Variants in CACNA2D4 observed in about 807,000 individuals in gnomAD.
CACNA2D4 encodes voltage-dependent calcium channel subunit alpha-2/delta-4.
CACNA2D4 carries 157 observed loss-of-function variants against 163.8 expected under a neutral mutation model. That is an observed-to-expected ratio of 0.96 (90% confidence interval 0.84 to 1.09). The LOEUF (loss-of-function observed/expected upper bound fraction) is 1.09. CACNA2D4 is among the 50% of genes least tolerant of loss of function. CACNA2D4 has a pLI of 0.00. For synonymous variants in CACNA2D4, 598 were observed against 586.9 expected, an observed-to-expected ratio of 1.02 and a Z score of -0.27; for missense variants, 1,410 against 1,479.9, an observed-to-expected ratio of 0.95 and a Z score of 0.78.
In CACNA2D4 at chr12:1,845,689, T is replaced by C. The variant is rs923801783; in HGVS notation, c.2342+905A>G. 2.0e-5 allele frequency among the ~76,000 whole-genome samples: 3 copies of C among 152,164 alleles called. No homozygotes were observed. The East Asian group carries it at 5.8e-4, about 29-fold the overall frequency. On this transcript the variant is annotated intron_variant, in intron 24 of 37. Transcript: ENST00000382722. Reference sequence around the variant, plus strand: ...GTGGCACCGCTCGGCCCCTAACCCCTCCTCTGGGCTCCCATCCTCCCTTGA... The same window carrying C: ...GTGGCACCGCTCGGCCCCTAACCCCCCCTCTGGGCTCCCATCCTCCCTTGA...
Position 1,912,761 on chromosome 12 carries a change from G to A in CACNA2D4, c.426+262C>T, listed in dbSNP as rs1479322266. 4.6e-5 allele frequency among the ~76,000 whole-genome samples: 7 copies of A among 152,176 alleles called. 1 individual carries two copies. The highest frequency in any genetic ancestry group is 2.6e-4 in the Admixed American group (4 of 15,286). On this transcript the variant is annotated intron_variant, in intron 3 of 37. Coordinates refer to ENST00000382722, the MANE Select transcript of CACNA2D4 (RefSeq NM_172364.5). ...TCCTCACAATGCTGCAGGCTGACCC[G>A]GCAGTGCTGGGCATGGCCGCCTCGG...
chr12:1,877,202 G>A (rs1471619793), intron 16 of CACNA2D4, among the ~76,000 whole-genome samples: 1 of 152,236 alleles, frequency 6.6e-6, no homozygotes, highest in Non-Finnish European at 1.5e-5. Flanking sequence ...GGCCCACAGT[G>A]TGAATCCACT....
intron 2 of CACNA2D4, 89 bp downstream of exon 2, chr12:1,914,765 C>T: frequency 3.6e-6 from 3 of 842,950 alleles, no homozygotes; most frequent in South Asian, 1.4e-5. Context: ...ATGGGATGCC[C>T]AAGGCCCCTC....
chr12:1,913,233 C>G (rs1866879226), intron 2 of CACNA2D4, 94 bp from the exon 3 acceptor site: 2 of 836,250 alleles, frequency 2.4e-6, no homozygotes, highest in East Asian at 5.2e-5. Flanking sequence ...TCCACAGATG[C>G]ATTCCGGCAC....
At position 1,856,012 on chromosome 12, in the gene CACNA2D4, A is replaced by C. The variant is rs759463194; in HGVS notation, c.2152T>G (p.Cys718Gly). Residue 718 changes from cysteine to glycine, a missense_variant and splice_region_variant, in exon 22 of 38, where the codon TGT (cysteine) becomes GGT (glycine). Coordinates refer to ENST00000382722, the MANE Select transcript of CACNA2D4 (RefSeq NM_172364.5). ...FLTRKDPDLECDEELVREVLF... is the reference protein window; with the variant it reads ...FLTRKDPDLEGDEELVREVLF... ...GCCTCAGTGGGCGGCCAGCACTCAC[A>C]CTCCAGGTCTGGGTCCTTCCTGGTG... 213 of 1,612,068 alleles carry C rather than the reference A, an allele frequency of 1.3e-4. No homozygotes were observed. Among genetic ancestry groups the C allele is most frequent in the Non-Finnish European group, 1.7e-4 (200 of 1,178,512 alleles).
chr12:1,846,571 C>T (rs754503552), intron 24 of CACNA2D4, 23 bp downstream of exon 24: 251 of 1,559,502 alleles, frequency 1.6e-4, no homozygotes, highest in Middle Eastern at 3.3e-4. Context: ...GATTGCCCTC[C>T]CGAGGTGGCC....
At chr12:1,838,738 C>T (rs1169449611) in intron 26 of CACNA2D4, among the ~76,000 whole-genome samples, 5 of 152,178 alleles carry the variant, frequency 3.3e-5, no homozygotes, top group Admixed American at 3.3e-4. Flanking sequence ...AGCAGCCTGA[C>T]CCCCTGTCCC....
chr12:1,855,216 T>C (rs565744143), intron 22 of CACNA2D4, among the ~76,000 whole-genome samples: 7 of 152,300 alleles, frequency 4.6e-5, no homozygotes, highest in African/African-American at 1.7e-4. Context: ...CTGGGTTATC[T>C]CTGTAGCTCT....
chr12:1,873,697 G>A (rs552370807), intron 18 of CACNA2D4, among the ~76,000 whole-genome samples: 1 of 152,336 alleles, frequency 6.6e-6, no homozygotes, highest in East Asian at 1.9e-4. Context: ...TGTTCTTTTG[G>A]ATCAGGAGAA....
Position 1,909,901 on chromosome 12 carries a change from C to A in CACNA2D4, c.486+5G>T. ...TCTGGCACCAGTGCCAGGAGTGGGA[C>A]TCACCACCAGGGATTCATTGAATTC... On this transcript the variant is annotated splice_donor_5th_base_variant and intron_variant, in intron 4 of 37. Coordinates refer to ENST00000382722, the MANE Select transcript of CACNA2D4 (RefSeq NM_172364.5). 6.2e-7 allele frequency: 1 copy of A among 1,613,374 alleles called. No homozygotes were observed. The highest frequency in any genetic ancestry group is 8.5e-7 in the Non-Finnish European group (1 of 1,179,500).
chr12:1,800,553 GAGC>G, intron 31 of CACNA2D4, 115 bp from the exon 32 acceptor site: 1 of 1,031,690 alleles, frequency 9.7e-7, no homozygotes, highest in Non-Finnish European at 1.5e-6. Context: ...CTGCCACTGG[GAGC>G]AGGGGCAGCA....
intron 30 of CACNA2D4, 76 bp from the exon 31 acceptor site, chr12:1,801,194 G>A: frequency 8.1e-7 from 1 of 1,231,332 alleles, no homozygotes. Context: ...GGCTTTACTA[G>A]CAGAGCATCC....
intron 1 of CACNA2D4, chr12:1,915,296 G>A (rs772302691): frequency 2.4e-5 from 17 of 701,978 alleles, no homozygotes; most frequent in East Asian, 5.4e-5. Flanking sequence ...GAATGTCCTC[G>A]GCAGGTTCTC....
At chr12:1,864,617 A>T (rs573385048) in intron 18 of CACNA2D4, among the ~76,000 whole-genome samples, 1 of 152,278 alleles carries the variant, frequency 6.6e-6, no homozygotes, top group Non-Finnish European at 1.5e-5. Flanking sequence ...GGGCGATGAG[A>T]ACGAGGAGGC....
intron 25 of CACNA2D4, 91 bp from the exon 26 acceptor site, chr12:1,840,910 A>T: frequency 8.9e-7 from 1 of 1,128,814 alleles, no homozygotes; most frequent in Non-Finnish European, 1.3e-6. Context: ...AGATGGGAAT[A>T]AAAGCAGGCG....
chr12:1,810,149 T>C (rs1863655975), intron 29 of CACNA2D4, 129 bp downstream of exon 29: 2 of 709,848 alleles, frequency 2.8e-6, no homozygotes, highest in African/African-American at 1.8e-5. Flanking sequence ...TTCAGACCTT[T>C]CACCTGAATT....
intron 29 of CACNA2D4, among the ~76,000 whole-genome samples, chr12:1,804,225 C>A: frequency 6.6e-6 from 1 of 150,494 alleles, no homozygotes; most frequent in East Asian, 2.0e-4. Context: ...CACTTCTGTC[C>A]CACAGCACCA....
Position 1,833,064 on chromosome 12 carries a change from C to A in CACNA2D4, c.2551+7675G>T, listed in dbSNP as rs1032848129. Among the ~76,000 whole-genome samples the A allele has an allele frequency of 6.6e-6, 1 of 152,094 alleles. No homozygotes were observed. Among genetic ancestry groups the A allele is most frequent in the Non-Finnish European group, 1.5e-5 (1 of 68,020 alleles). On this transcript the variant is annotated intron_variant, in intron 26 of 37. Coordinates refer to ENST00000382722, the MANE Select transcript of CACNA2D4 (RefSeq NM_172364.5). This position sits in a 1 kb window ranked among gnomAD's most constrained non-coding sequence, Gnocchi z 4.2. ...TCAGACCCTCCTCTCCTGTGGTCGCCGGGAACTGAATTCCCAGCACAAAAA... is the reference window on the plus strand; with the variant it reads ...TCAGACCCTCCTCTCCTGTGGTCGCAGGGAACTGAATTCCCAGCACAAAAA...
chr12:1,856,403 C>G (rs1340826894), intron 20 of CACNA2D4, among the ~76,000 whole-genome samples, 174 bp from the exon 21 acceptor site: 2 of 152,266 alleles, frequency 1.3e-5, no homozygotes, highest in Non-Finnish European at 2.9e-5. Context: ...GTCCCACCTC[C>G]TGAAATGCTT....
Sources: allele counts gnomAD v4.1 joint callset (sites outside exome capture counted in the v4.1 genomes callset), GRCh38; gene constraint gnomAD v4.1.1; non-coding constraint Gnocchi (gnomAD v3.1); transcripts MANE v1.5; gene names NCBI Gene and HGNC (gene_info 2026-07-23, HGNC 2026-07-21).